The following EEFSEC variants were observed in gnomAD, a reference collection of about 807,000 sequenced individuals.
EEFSEC encodes eukaryotic elongation factor, selenocysteine-tRNA specific.
A neutral mutation model predicts 42.1 loss-of-function variants in EEFSEC; 43 were observed. That is an observed-to-expected ratio of 1.02 (90% CI 0.80 to 1.32). EEFSEC has a LOEUF of 1.32. Ranked by LOEUF, EEFSEC falls within the 40% of genes most tolerant of loss-of-function variation. The pLI, the probability that EEFSEC is intolerant of heterozygous loss-of-function variation, is 0.00. For missense variants in EEFSEC, 745 were observed against 803.6 expected (o/e 0.93, Z 0.88); for synonymous variants, 354 against 339.1 (o/e 1.04, Z -0.48).
chr3:128,261,455 G>GA (rs1217103642), intron 2 of EEFSEC, among the ~76,000 whole-genome samples: 2 of 149,580 alleles, frequency 1.3e-5, no homozygotes, highest in African/African-American at 4.9e-5. Flanking sequence ...ACCAAAATCT[G>GA]AAAAAAAGAA....
rs780207979 is a variant in EEFSEC, at chr3:128,341,317, A to T, written c.871A>T (p.Thr291Ser). 4.3e-6 allele frequency: 7 copies of T among 1,614,086 alleles called. No individual in the cohort carries two copies. The highest frequency in any genetic ancestry group is 1.7e-5 in the Admixed American group (1 of 60,014). The stretch of plus-strand genomic sequence containing the variant: ...AGGAGACCGGCTGGGCATCTGCGTC[A>T]CCCAGTTTGACCCTAAGCTGCTGGA... ...MQGDRLGICV[T>S]QFDPKLLERG... The change falls in exon 5 of 7, where the codon ACC becomes TCC. Residue 291 changes from threonine to serine, a missense_variant. Physicochemically the swap from Thr to Ser is moderately conservative, Grantham distance 58. Transcript: ENST00000254730.
intron 4 of EEFSEC, among the ~76,000 whole-genome samples, chr3:128,302,638 T>C (rs2811390): frequency 0.83 from 125,430 of 151,860 alleles, 52,552 homozygotes; most frequent in East Asian, 0.99. Flanking sequence ...GGAGGTAAGT[T>C]ATATATATGG....
At chr3:128,187,549 T>A (rs1223530289) in intron 1 of EEFSEC, among the ~76,000 whole-genome samples, 2 of 152,234 alleles carry the variant, frequency 1.3e-5, no homozygotes, top group African/African-American at 2.4e-5. Context: ...GTCATTTTTG[T>A]TATTTTTTTC....
chr3:128,253,976 A>G (rs1012565775), intron 2 of EEFSEC, among the ~76,000 whole-genome samples: 1 of 152,142 alleles, frequency 6.6e-6, no homozygotes, highest in African/African-American at 2.4e-5. Flanking sequence ...AAAGAAAAAA[A>G]TCTGATTTTC....
intron 4 of EEFSEC, among the ~76,000 whole-genome samples, chr3:128,305,553 T>G (rs1167541632): frequency 2.0e-5 from 3 of 152,220 alleles, no homozygotes; most frequent in Non-Finnish European, 4.4e-5. Flanking sequence ...TATTAGTCTT[T>G]TGTTTCAGTC....
intron 6 of EEFSEC, among the ~76,000 whole-genome samples, chr3:128,391,048 A>G (rs2067906352): frequency 2.6e-5 from 4 of 152,184 alleles, no homozygotes; most frequent in East Asian, 1.9e-4. Flanking sequence ...CGACACATGG[A>G]TGTGTTGGCA....
At chr3:128,266,826 A>G (rs2066359365) in intron 4 of EEFSEC, among the ~76,000 whole-genome samples, 2 of 152,118 alleles carry the variant, frequency 1.3e-5, no homozygotes, top group African/African-American at 4.8e-5. Context: ...CAAATCTTCA[A>G]AAATAAAGCA....
intron 4 of EEFSEC, among the ~76,000 whole-genome samples, chr3:128,268,289 C>T (rs1488933106): frequency 1.3e-5 from 2 of 152,208 alleles, no homozygotes; most frequent in Non-Finnish European, 2.9e-5. Context: ...TCTAGAGTCT[C>T]ACCCCTACCT....
intron 1 of EEFSEC, among the ~76,000 whole-genome samples, chr3:128,168,659 G>A (rs1437829280): frequency 6.6e-6 from 1 of 152,238 alleles, no homozygotes; most frequent in Non-Finnish European, 1.5e-5. Flanking sequence ...ACCCATAAAT[G>A]TGAAATGTCA....
chr3:128,302,794 G>A (rs1238558133), intron 4 of EEFSEC, among the ~76,000 whole-genome samples: 2 of 152,132 alleles, frequency 1.3e-5, no homozygotes, highest in Admixed American at 1.3e-4. Flanking sequence ...ACGTATATAA[G>A]TGTATAAAGC....
chr3:128,400,400 A>T (rs2068035382), intron 6 of EEFSEC, among the ~76,000 whole-genome samples: 1 of 152,212 alleles, frequency 6.6e-6, no homozygotes, highest in East Asian at 1.9e-4. Context: ...GGCTGAATCC[A>T]AGGCCCTCTG....
chr3:128,344,244 C>T (rs2067287221), intron 5 of EEFSEC, among the ~76,000 whole-genome samples: 1 of 152,280 alleles, frequency 6.6e-6, no homozygotes, highest in Non-Finnish European at 1.5e-5. Flanking sequence ...TCTGTCACCA[C>T]TCTACTGATT....
chr3:128,188,972 C>A (rs995645198), intron 1 of EEFSEC, among the ~76,000 whole-genome samples: 8 of 152,184 alleles, frequency 5.3e-5, no homozygotes, highest in African/African-American at 1.7e-4. Context: ...GGGAGTTGGA[C>A]AGGTAGGGGT....
chr3:128,371,499 C>T (rs1230392176), intron 6 of EEFSEC, among the ~76,000 whole-genome samples: 1 of 152,194 alleles, frequency 6.6e-6, no homozygotes, highest in Non-Finnish European at 1.5e-5. Context: ...CAAAATATCC[C>T]CCAGTTGAGA....
At chr3:128,369,378 CTT>C (rs923505260) in intron 6 of EEFSEC, among the ~76,000 whole-genome samples, 8 of 152,236 alleles carry the variant, frequency 5.3e-5, no homozygotes, top group African/African-American at 1.9e-4. Flanking sequence ...GCTTTCTTCT[CTT>C]TTAAAATGTG....
intron 4 of EEFSEC, among the ~76,000 whole-genome samples, chr3:128,277,479 T>A (rs1047567090): frequency 1.4e-4 from 21 of 152,194 alleles, no homozygotes; most frequent in Non-Finnish European, 2.6e-4. Context: ...TTTGTTTTTG[T>A]GTGCGTGTTT....
At chr3:128,271,988 C>T (rs2066418051) in intron 4 of EEFSEC, among the ~76,000 whole-genome samples, 1 of 152,228 alleles carries the variant, frequency 6.6e-6, no homozygotes, top group African/African-American at 2.4e-5. Flanking sequence ...GTGTATCAGG[C>T]AGTACTCTGG....
At chr3:128,327,633 G>A (rs1291794478) in intron 4 of EEFSEC, among the ~76,000 whole-genome samples, 1 of 152,170 alleles carries the variant, frequency 6.6e-6, no homozygotes, top group Non-Finnish European at 1.5e-5. Flanking sequence ...TGTGCAGGAA[G>A]GCATTCCACA....
chr3:128,246,999 T>C lies in EEFSEC; in HGVS notation c.480T>C (p.Ile160=). The C allele has an allele frequency of 6.2e-7, 1 of 1,614,082 alleles. No homozygotes were observed. Among genetic ancestry groups the C allele is most frequent in the Non-Finnish European group, 8.5e-7 (1 of 1,180,012 alleles). The change falls in exon 2 of 7, where the codon ATT becomes ATC. Residue 160 remains isoleucine, a synonymous_variant. Transcript: ENST00000254730. ...LLPEGKRQAA[I]DKMTKKMQKT... is the part of the protein sequence containing the mutation. ...CTGAAGGAAAGAGACAGGCAGCAAT[T>C]GATAAAATGACCAAGAAAATGCAGA...
Sources: allele counts gnomAD v4.1 joint callset (sites outside exome capture counted in the v4.1 genomes callset), GRCh38; gene constraint gnomAD v4.1.1; transcripts MANE v1.5; gene names NCBI Gene and HGNC (gene_info 2026-07-23, HGNC 2026-07-21).